Variants in RBFOX1 observed in about 807,000 individuals in gnomAD.
RBFOX1 encodes RNA binding protein fox-1 homolog 1.
A neutral mutation model predicts 57.7 loss-of-function variants in RBFOX1; 8 were observed. The observed-to-expected ratio is 0.14, with a 90% CI of 0.08 to 0.25. RBFOX1 has a LOEUF of 0.25. Among genes scored for constraint, RBFOX1 ranks in the 10% least tolerant of loss-of-function variants. RBFOX1 has a pLI of 1.00. For missense variants in RBFOX1, 611 were observed against 548.5 expected (o/e 1.11, Z -1.14); for synonymous variants, 326 against 222.4 (o/e 1.47, Z -4.15).
intron 2 of RBFOX1, among the ~76,000 whole-genome samples, chr16:6,478,420 TA>T (rs1567368943): frequency 0.035 from 643 of 18,348 alleles, 19 homozygotes; most frequent in African/African-American, 0.092. Context: ...TATATATATA[TA>T]TATATATATT....
At position 6,450,805 on chromosome 16, in the gene RBFOX1, A is replaced by ATATATG. The variant is rs1323907360; in HGVS notation, c.-64+133753_-64+133754insGTATAT. Among the ~76,000 whole-genome samples, 41 of 13,262 alleles carry ATATATG rather than the reference A, an allele frequency of 3.1e-3. 1 individual carries two copies. The highest frequency in any genetic ancestry group is 0.022 in the African/African-American group (41 of 1,868). 8.7% of individuals were successfully genotyped at this position (13,262 alleles called of 152,430 possible). A position where few individuals can be genotyped will look rare whatever the true frequency, so the allele number is the denominator to read the frequency against. ...TATATATATACATATATATATGTAT[A>ATATATG]TATATATATATACATATATATATAT... On this transcript the variant is annotated intron_variant, in intron 2 of 15. Transcript: ENST00000550418.
intron 1 of RBFOX1, among the ~76,000 whole-genome samples, chr16:5,363,881 G>A (rs541934142): frequency 1.1e-4 from 16 of 152,290 alleles, no homozygotes; most frequent in Middle Eastern, 3.4e-3. Flanking sequence ...CTGCCTAGGC[G>A]TTTGCCCTGG....
In RBFOX1 at chr16:5,856,233, ATATATGTG is replaced by A. The variant is rs2057046509; in HGVS notation, c.319-11064_319-11057del. Among the ~76,000 whole-genome samples the A allele has an allele frequency of 1.2e-4, 7 of 56,930 alleles. 1 individual carries two copies. Among genetic ancestry groups the A allele is most frequent in the African/African-American group, 4.3e-4 (7 of 16,460 alleles). The allele number at this position is 56,930 out of a possible 152,430, so 37.3% of individuals were successfully genotyped here. ...CATATATATGTATATATATATGTAT[ATATATGTG>A]TATATATATGTATATATATGTATAT... On this transcript the variant is annotated intron_variant, in intron 3 of 19. Coordinates refer to the RBFOX1 transcript ENST00000641259.
At chr16:6,896,133 A>C (rs763367429) in intron 3 of RBFOX1, among the ~76,000 whole-genome samples, 5 of 151,992 alleles carry the variant, frequency 3.3e-5, no homozygotes, top group Non-Finnish European at 7.4e-5. Flanking sequence ...ATTAGCTGGC[A>C]TTGGTGGTGG....
chr16:5,606,653 T>G (rs2151227738), intron 3 of RBFOX1, among the ~76,000 whole-genome samples: 1 of 152,280 alleles, frequency 6.6e-6, no homozygotes, highest in Middle Eastern at 3.4e-3. Flanking sequence ...GAATAAGAAG[T>G]AGCCCATAAC....
At chr16:5,279,397 T>C (rs1401336545) in intron 1 of RBFOX1, among the ~76,000 whole-genome samples, 1 of 152,220 alleles carries the variant, frequency 6.6e-6, no homozygotes, top group African/African-American at 2.4e-5. Flanking sequence ...GATTTCTTTT[T>C]TAGCTAGTTT....
chr16:5,261,333 A>G (rs1241568788), intron 1 of RBFOX1, among the ~76,000 whole-genome samples: 2 of 152,050 alleles, frequency 1.3e-5, no homozygotes, highest in East Asian at 3.9e-4. Context: ...CAAGTTGCTT[A>G]TTTTTTAATT....
intron 3 of RBFOX1, among the ~76,000 whole-genome samples, chr16:5,684,876 G>C (rs2050455426): frequency 6.6e-6 from 1 of 152,132 alleles, no homozygotes; most frequent in African/African-American, 2.4e-5. Flanking sequence ...AAATATTTTT[G>C]TAGAATGCTG....
At chr16:6,716,808 T>A (rs1393186338) in intron 3 of RBFOX1, among the ~76,000 whole-genome samples, 1 of 152,142 alleles carries the variant, frequency 6.6e-6, no homozygotes, top group East Asian at 1.9e-4. Context: ...GATATAAGTT[T>A]GGGACAGCTG....
chr16:5,287,299 G>A (rs964292058), intron 1 of RBFOX1, among the ~76,000 whole-genome samples: 6 of 150,952 alleles, frequency 4.0e-5, no homozygotes, highest in Admixed American at 1.3e-4. Flanking sequence ...GTGAGACCCC[G>A]TTTCAAAAAA....
chr16:6,932,910 C>T (rs138863910), intron 3 of RBFOX1, among the ~76,000 whole-genome samples: 1,548 of 152,258 alleles, frequency 0.01, 28 homozygotes, highest in African/African-American at 0.035. Flanking sequence ...TATGTCTTCC[C>T]CCAGCCCCTG....
intron 2 of RBFOX1, among the ~76,000 whole-genome samples, chr16:6,450,852 T>TAC (rs1567304105): frequency 6.2e-5 from 4 of 64,138 alleles, no homozygotes; most frequent in East Asian, 4.8e-4. Flanking sequence ...TATATATATA[T>TAC]ATATATATAT....
At chr16:7,274,168 C>G (rs1242749757) in intron 4 of RBFOX1, among the ~76,000 whole-genome samples, 1 of 152,152 alleles carries the variant, frequency 6.6e-6, no homozygotes, top group African/African-American at 2.4e-5. Context: ...TCTCTGCGTT[C>G]TTTCAATGGC....
intron 3 of RBFOX1, among the ~76,000 whole-genome samples, chr16:5,807,590 C>G (rs1355020341): frequency 6.6e-6 from 1 of 152,176 alleles, no homozygotes; most frequent in Non-Finnish European, 1.5e-5. Context: ...TAGGTAACCA[C>G]ACAAGTGTAT....
chr16:7,588,725 T>A (rs2094271331), intron 7 of RBFOX1, among the ~76,000 whole-genome samples: 1 of 152,196 alleles, frequency 6.6e-6, no homozygotes, highest in Admixed American at 6.5e-5. Flanking sequence ...CATTGCCAGC[T>A]CTTTTGGATG....
At chr16:6,652,702 G>C (rs1451254046) in intron 2 of RBFOX1, among the ~76,000 whole-genome samples, 1 of 152,120 alleles carries the variant, frequency 6.6e-6, no homozygotes, top group Non-Finnish European at 1.5e-5. Flanking sequence ...AATGAGAGGA[G>C]TCTAGAGTAG....
At chr16:7,272,216 C>G (rs546769977) in intron 4 of RBFOX1, among the ~76,000 whole-genome samples, 76 of 152,290 alleles carry the variant, frequency 5.0e-4, no homozygotes, top group Non-Finnish European at 1.0e-4. Context: ...AAGAGTCTCG[C>G]TCTGTCATCC....
chr16:7,609,363 C>G (rs1479592750), intron 10 of RBFOX1, among the ~76,000 whole-genome samples: 1 of 152,114 alleles, frequency 6.6e-6, no homozygotes, highest in Non-Finnish European at 1.5e-5. Flanking sequence ...TACCTAATAT[C>G]CCCGTTACTT....
chr16:5,470,721 T>C (rs1936939186), intron 2 of RBFOX1, among the ~76,000 whole-genome samples: 1 of 152,068 alleles, frequency 6.6e-6, no homozygotes, highest in South Asian at 2.1e-4. Context: ...ACACTGCTTG[T>C]AAGTGGCAGA....
Sources: allele counts gnomAD v4.1 joint callset (sites outside exome capture counted in the v4.1 genomes callset), GRCh38; gene constraint gnomAD v4.1.1; transcripts MANE v1.5; gene names NCBI Gene and HGNC (gene_info 2026-07-23, HGNC 2026-07-21).